The following POC1B variants were observed in gnomAD, a reference collection of about 807,000 sequenced individuals.
POC1B encodes POC1 centriolar protein B, also known as POC1 centriolar protein homolog B.
POC1B carries 44 observed loss-of-function variants against 60.6 expected under a neutral mutation model. That is an observed-to-expected ratio of 0.73 (90% confidence interval 0.57 to 0.93). The LOEUF (loss-of-function observed/expected upper bound fraction) is 0.93, where lower values mean the gene tolerates loss of function less well. Among genes scored for constraint, POC1B ranks in the 40% least tolerant of loss-of-function variants. The pLI, the probability that POC1B is intolerant of heterozygous loss-of-function variation, is 0.00. For synonymous variants in POC1B, 180 were observed against 198.9 expected, an observed-to-expected ratio of 0.90 and a Z score of 0.80; for missense variants, 555 against 572.3, an observed-to-expected ratio of 0.97 and a Z score of 0.31.
chr12:89,488,818 A>G (rs1300710590), intron 4 of POC1B, among the ~76,000 whole-genome samples: 1 of 152,046 alleles, frequency 6.6e-6, no homozygotes, highest in Non-Finnish European at 1.5e-5. Flanking sequence ...TCAGGGTGAA[A>G]CTTAGGCATT....
intron 3 of POC1B, among the ~76,000 whole-genome samples, chr12:89,494,449 C>T (rs139784244): frequency 1.1e-4 from 16 of 152,062 alleles, no homozygotes; most frequent in Middle Eastern, 3.4e-3. Flanking sequence ...CATGTCTCTC[C>T]GCTTCACAAA....
intron 6 of POC1B, among the ~76,000 whole-genome samples, chr12:89,470,810 G>C (rs1452320621): frequency 1.3e-5 from 2 of 152,174 alleles, no homozygotes; most frequent in Admixed American, 1.3e-4. Flanking sequence ...ATATAACCTA[G>C]TCTCAAATTA....
chr12:89,481,544 A>G (rs1273142452), intron 4 of POC1B, among the ~76,000 whole-genome samples: 1 of 152,244 alleles, frequency 6.6e-6, no homozygotes, highest in African/African-American at 2.4e-5. Flanking sequence ...AACAGAAATC[A>G]GAACTCAGGG....
At chr12:89,482,595 G>GAAT (rs1270315126) in intron 4 of POC1B, among the ~76,000 whole-genome samples, 1 of 152,006 alleles carries the variant, frequency 6.6e-6, no homozygotes, top group Non-Finnish European at 1.5e-5. Context: ...ATATATAGGG[G>GAAT]AATTACATTA....
chr12:89,418,638 G>C (rs1232404860), downstream of POC1B, among the ~76,000 whole-genome samples: 1 of 152,080 alleles, frequency 6.6e-6, no homozygotes, highest in African/African-American at 2.4e-5. Flanking sequence ...TGCCCTCCTC[G>C]AAGTAGAGAG....
At chr12:89,524,165 A>G (rs1871200136) in intron 2 of POC1B, 1 of 1,613,846 alleles carries the variant, frequency 6.2e-7, no homozygotes, top group Admixed American at 1.7e-5. Context: ...CTATAGTTGA[A>G]CTTCTGGGAC....
intron 10 of POC1B, among the ~76,000 whole-genome samples, chr12:89,432,568 C>G (rs1881081577): frequency 6.6e-6 from 1 of 151,962 alleles, no homozygotes; most frequent in Non-Finnish European, 1.5e-5. Flanking sequence ...TGGTTATACT[C>G]TAGTGGGTGA....
In POC1B at chr12:89,466,752, T is replaced by C; in HGVS notation, c.1032+18A>G. ...AAATGTACACAAAATGTAGGACAAA[T>C]ATGAACAAAATACTCACTTCTACAG... On this transcript the variant is annotated intron_variant, in intron 9 of 11. Coordinates refer to ENST00000313546, the MANE Select transcript of POC1B (RefSeq NM_172240.3). 1.3e-6 allele frequency: 2 copies of C among 1,595,724 alleles called. No individual in the cohort carries two copies. Among genetic ancestry groups the C allele is most frequent in the East Asian group, 2.2e-5 (1 of 44,504 alleles).
At chr12:89,482,861 C>T (rs1041258880) in intron 4 of POC1B, among the ~76,000 whole-genome samples, 1 of 151,934 alleles carries the variant, frequency 6.6e-6, no homozygotes, top group Non-Finnish European at 1.5e-5. Context: ...ATAATCCTCA[C>T]TTGTCATGGG....
At chr12:89,484,284 G>T (rs1592618829) in intron 4 of POC1B, among the ~76,000 whole-genome samples, 1 of 152,136 alleles carries the variant, frequency 6.6e-6, no homozygotes, top group East Asian at 1.9e-4. Context: ...CCAATCACAG[G>T]ACTGATTACA....
chr12:89,506,172 G>T (rs942380995), intron 2 of POC1B, among the ~76,000 whole-genome samples: 8 of 152,224 alleles, frequency 5.3e-5, no homozygotes, highest in African/African-American at 1.7e-4. Flanking sequence ...TGTACAGTGT[G>T]GTGGTTAAAA....
chr12:89,511,123 T>C (rs1382731062), intron 2 of POC1B, among the ~76,000 whole-genome samples: 6 of 152,022 alleles, frequency 3.9e-5, no homozygotes, highest in Non-Finnish European at 7.4e-5. Context: ...TCATTCCATA[T>C]TCAAAATAAT....
intron 2 of POC1B, chr12:89,522,731 A>G: frequency 6.7e-7 from 1 of 1,493,796 alleles, no homozygotes; most frequent in South Asian, 1.4e-5. Flanking sequence ...GATAAAATAA[A>G]ATACAATCTT....
chr12:89,515,213 A>T (rs1250651378), intron 2 of POC1B, among the ~76,000 whole-genome samples: 1 of 152,206 alleles, frequency 6.6e-6, no homozygotes, highest in African/African-American at 2.4e-5. Context: ...GGGAGTCCTA[A>T]GTAACAAAGC....
At chr12:89,403,648 G>T in the POC1B span, among the ~76,000 whole-genome samples, 1 of 152,086 alleles carries the variant, frequency 6.6e-6, no homozygotes, top group Admixed American at 6.5e-5. Flanking sequence ...ATCAGCAGAT[G>T]ATCTAAATGT....
chr12:89,454,070 A>G lies in POC1B; in HGVS notation c.1113+5568T>C, dbSNP rs1882160584. ...TGCTTCCCAAAGTCATGGAAATGGC[A>G]GAGTATCTCTTGCACTGATTCAGCC... On this transcript the variant is annotated intron_variant, in intron 10 of 11. Transcript: ENST00000313546. Among the ~76,000 whole-genome samples the G allele has an allele frequency of 1.3e-5, 2 of 152,228 alleles. 1 individual carries two copies. Among genetic ancestry groups the G allele is most frequent in the South Asian group, 4.1e-4 (2 of 4,832 alleles).
At chr12:89,477,577 G>A (rs1883171787) in intron 4 of POC1B, among the ~76,000 whole-genome samples, 2 of 152,032 alleles carry the variant, frequency 1.3e-5, no homozygotes, top group Non-Finnish European at 2.9e-5. Flanking sequence ...TTAGTAAATG[G>A]TTTCTCAAGC....
rs768799037 is a variant in POC1B at position 89,525,116 on chromosome 12, T to A, written c.100+4A>T. ...TACAAAAGCAAAACAAGAATAAGAC[T>A]TACCAAGTTGCTTGCCGTTGGGGCT... On this transcript the variant is annotated splice_donor_region_variant and intron_variant, in intron 2 of 11. Coordinates refer to ENST00000313546, the MANE Select transcript of POC1B (RefSeq NM_172240.3). 3 of 1,613,988 alleles carry A rather than the reference T, an allele frequency of 1.9e-6. No homozygotes were observed. Among genetic ancestry groups the A allele is most frequent in the Non-Finnish European group, 2.5e-6 (3 of 1,179,884 alleles).
At chr12:89,423,325 A>G (rs2120641792) in intron 11 of POC1B, among the ~76,000 whole-genome samples, 1 of 152,210 alleles carries the variant, frequency 6.6e-6, no homozygotes, top group South Asian at 2.1e-4. Context: ...AAAAGAAGAA[A>G]TGGGGTCTCA....
Sources: allele counts gnomAD v4.1 joint callset (sites outside exome capture counted in the v4.1 genomes callset), GRCh38; gene constraint gnomAD v4.1.1; transcripts MANE v1.5; gene names NCBI Gene and HGNC (gene_info 2026-07-23, HGNC 2026-07-21).